The following FAM107A variants were observed in gnomAD, a reference collection of about 807,000 sequenced individuals.
FAM107A encodes the protein family with sequence similarity 107 member A, also known as actin-associated protein FAM107A.
A neutral mutation model predicts 13.7 loss-of-function variants in FAM107A; 19 were observed. That is an observed-to-expected ratio of 1.38 (90% CI 0.97 to 2.03). FAM107A has a LOEUF of 2.03. FAM107A is among the 30% of genes most tolerant of loss of function. The probability of loss-of-function intolerance (pLI) is 0.00; values close to 1 mark genes in which losing one functional copy is unlikely to be tolerated. For synonymous variants in FAM107A, 82 were observed against 74.5 expected, an observed-to-expected ratio of 1.10 and a Z score of -0.52; for missense variants, 203 against 184.4, an observed-to-expected ratio of 1.10 and a Z score of -0.58.
chr3:58,618,617 A>T (rs918437115), intron 1 of FAM107A, among the ~76,000 whole-genome samples: 3 of 152,260 alleles, frequency 2.0e-5, no homozygotes, highest in Non-Finnish European at 2.9e-5. Flanking sequence ...AAGTGGATTT[A>T]AAAAGAATTA....
At position 58,567,191 on chromosome 3, in the gene FAM107A, G is replaced by C; in HGVS notation, c.327+17C>G. On this transcript the variant is annotated intron_variant, in intron 3 of 3. Coordinates refer to ENST00000360997, the MANE Select transcript of FAM107A (RefSeq NM_001076778.3). Reference sequence around the variant, plus strand: ...CCCTGGAGGATGCGTGGTCCCTGCTGGGTGCCCATCACCCACCTGGTTCAG... The same window carrying C: ...CCCTGGAGGATGCGTGGTCCCTGCTCGGTGCCCATCACCCACCTGGTTCAG... 6.2e-7 allele frequency: 1 copy of C among 1,614,110 alleles called. No homozygotes were observed. The highest frequency in any genetic ancestry group is 8.5e-7 in the Non-Finnish European group (1 of 1,179,962).
intron 1 of FAM107A, among the ~76,000 whole-genome samples, chr3:58,619,591 G>C (rs7623836): frequency 0.59 from 89,012 of 152,038 alleles, 26,163 homozygotes; most frequent in South Asian, 0.68. Context: ...TTTACCTCTC[G>C]GCCTCGTGGG....
chr3:58,613,329 C>G lies in FAM107A; in HGVS notation c.-70+14087G>C, dbSNP rs573526000. The stretch of plus-strand genomic sequence containing the variant: ...GAGCAGGAGTCAAACTGTGGGTTGT[C>G]TGACTTCACTGCCCAGGCTTCTCAT... On this transcript the variant is annotated intron_variant, in intron 1 of 3. Transcript: ENST00000465970. This position sits in a 1 kb window ranked among gnomAD's most constrained non-coding sequence, Gnocchi z 4.6. 3.3e-5 allele frequency among the ~76,000 whole-genome samples: 5 copies of G among 152,288 alleles called. No individual in the cohort carries two copies. Among genetic ancestry groups the G allele is most frequent in the African/African-American group, 1.2e-4 (5 of 41,556 alleles).
At chr3:58,566,803 A>T in intron 3 of FAM107A, 108 bp from the exon 4 acceptor site, 2 of 817,128 alleles carry the variant, frequency 2.4e-6, no homozygotes, top group Non-Finnish European at 4.1e-6. Context: ...AAACAGAACC[A>T]ACCTGGGGAT....
chr3:58,584,615 CAGG>C (rs1411769598), intron 1 of FAM107A, among the ~76,000 whole-genome samples: 1 of 152,160 alleles, frequency 6.6e-6, no homozygotes, highest in Non-Finnish European at 1.5e-5. Flanking sequence ...CCTTCTGAGG[CAGG>C]AGAATAGGGT....
intron 1 of FAM107A, among the ~76,000 whole-genome samples, chr3:58,603,192 C>G (rs949602310): frequency 6.6e-6 from 1 of 152,090 alleles, no homozygotes; most frequent in Non-Finnish European, 1.5e-5. Context: ...CAATTATTTC[C>G]CCATACCAAC....
Position 58,592,691 on chromosome 3 carries a change from C to T in FAM107A, c.-69-3422G>A, listed in dbSNP as rs374943779. Among the ~76,000 whole-genome samples the T allele has an allele frequency of 9.2e-5, 14 of 152,306 alleles. No individual in the cohort carries two copies. In the East Asian group the frequency reaches 2.5e-3, roughly 27 times the overall value. On this transcript the variant is annotated intron_variant, in intron 1 of 3. Transcript: ENST00000465970. ...TCCTCAATCTTCAGGAAAGGTAGAA[C>T]GGACTAATGGTCTTTTAAAGACACA...
At position 58,617,744 on chromosome 3, in the gene FAM107A, T is replaced by C. The variant is rs939264155; in HGVS notation, c.-70+9672A>G. ...TAAATTCTCCTGAACTTTAGGCCCC[T>C]CTTCAGTGCTACTCCCAGGGGAGTG... On this transcript the variant is annotated intron_variant, in intron 1 of 3. Transcript: ENST00000465970. The surrounding 1 kb of genome is among the most constrained non-coding windows in gnomAD (Gnocchi z 4.5). Among the ~76,000 whole-genome samples the C allele has an allele frequency of 6.6e-6, 1 of 152,216 alleles. No individual in the cohort carries two copies. Among genetic ancestry groups the C allele is most frequent in the Non-Finnish European group, 1.5e-5 (1 of 68,044 alleles).
chr3:58,587,134 GCAGGTGTCCGCGCC>G (rs906992129), upstream of FAM107A: 29 of 1,354,294 alleles, frequency 2.1e-5, no homozygotes, highest in Non-Finnish European at 2.6e-5. Context: ...AGGGGCCAGG[GCAGGTGTCCGCGCC>G]CAGGTAGCAG....
upstream of FAM107A, chr3:58,577,547 A>G (rs950002196): frequency 5.1e-6 from 5 of 985,322 alleles, no homozygotes; most frequent in Admixed American, 1.2e-4. This position sits in a 1 kb window ranked among gnomAD's most constrained non-coding sequence, Gnocchi z 4.9. Context: ...GTGCACGGCC[A>G]CTTCCACGAT....
At chr3:58,587,166 G>A (rs1326654306), upstream of FAM107A, 10 of 1,302,336 alleles carry the variant, frequency 7.7e-6, no homozygotes, top group African/African-American at 4.7e-5. Context: ...CAGGCAGGGC[G>A]CGGGTGAACG....
intron 2 of FAM107A, among the ~76,000 whole-genome samples, chr3:58,567,645 A>G (rs2063636312): frequency 1.3e-5 from 2 of 152,114 alleles, no homozygotes; most frequent in Non-Finnish European, 2.9e-5. Flanking sequence ...ATTTCTGGTT[A>G]TTTTCTTAGG....
intron 1 of FAM107A, among the ~76,000 whole-genome samples, chr3:58,601,335 C>A: frequency 6.6e-6 from 1 of 152,296 alleles, no homozygotes; most frequent in South Asian, 2.1e-4. Context: ...ATTGTCTCTG[C>A]TTCTATAAAC....
Position 58,602,257 on chromosome 3 carries a change from A to G in FAM107A, c.-69-12988T>C, listed in dbSNP as rs554944056. Among the ~76,000 whole-genome samples the G allele has an allele frequency of 3.0e-4, 45 of 152,336 alleles. 2 individuals are homozygous for G. The South Asian group carries it at 9.1e-3, about 31-fold the overall frequency. ...AATCAAAGAAAATGCACGCTCAAGC[A>G]ACAATGGGGTATTATCTTTCACCTA... On this transcript the variant is annotated intron_variant, in intron 1 of 3. Coordinates refer to the FAM107A transcript ENST00000465970.
At chr3:58,603,650 T>G (rs940440487) in intron 1 of FAM107A, among the ~76,000 whole-genome samples, 4 of 152,092 alleles carry the variant, frequency 2.6e-5, no homozygotes, top group Admixed American at 2.6e-4. Flanking sequence ...CCTCCATATC[T>G]GTTGGTCATT....
upstream of FAM107A, among the ~76,000 whole-genome samples, chr3:58,578,952 T>G (rs530892260): frequency 1.3e-5 from 2 of 152,356 alleles, no homozygotes; most frequent in South Asian, 2.1e-4. Flanking sequence ...TTCCTGGCAC[T>G]GTTCTAAGTG....
At position 58,564,130 on chromosome 3, in the gene FAM107A, G is replaced by A. The variant is rs562612144; in HGVS notation, c.*2458C>T. 2 of 152,138 alleles carry A rather than the reference G, an allele frequency of 1.3e-5. No individual in the cohort carries two copies. The highest frequency in any genetic ancestry group is 4.1e-4 in the South Asian group (2 of 4,820). The allele number at this position is 152,138 out of a possible 1,614,324, so 9.4% of individuals were successfully genotyped here. On this transcript the variant is annotated 3_prime_UTR_variant, in exon 4 of 4. Coordinates refer to ENST00000360997, the MANE Select transcript of FAM107A (RefSeq NM_001076778.3). The surrounding 1 kb of genome is among the most constrained non-coding windows in gnomAD (Gnocchi z 5.6). ...GACCAACAATGGTTTAAACAAAGAGGGATTTATTTTATTTACAAGAATTCT... is the reference window on the plus strand; with the variant it reads ...GACCAACAATGGTTTAAACAAAGAGAGATTTATTTTATTTACAAGAATTCT...
rs116674847 is a variant in FAM107A, at chr3:58,602,264, G to A, written c.-69-12995C>T. Among the ~76,000 whole-genome samples the A allele has an allele frequency of 6.8e-3, 1,035 of 152,240 alleles. 17 individuals carry two copies. Among genetic ancestry groups the A allele is most frequent in the Middle Eastern group, 0.061 (18 of 294 alleles). ...GAAAATGCACGCTCAAGCAACAATG[G>A]GGTATTATCTTTCACCTATCAGATT... On this transcript the variant is annotated intron_variant, in intron 1 of 3. Coordinates refer to the FAM107A transcript ENST00000465970.
At chr3:58,593,713 G>T (rs1430444896) in intron 1 of FAM107A, among the ~76,000 whole-genome samples, 2 of 151,628 alleles carry the variant, frequency 1.3e-5, no homozygotes, top group African/African-American at 2.4e-5. Flanking sequence ...TTCCTCCTTA[G>T]CGAACAATTG....
Sources: gnomAD v4.1 joint callset for allele counts (sites outside exome capture counted in the v4.1 genomes callset) on GRCh38, gnomAD v4.1.1 for gene constraint, Gnocchi (gnomAD v3.1) non-coding constraint, MANE v1.5 for transcripts, NCBI Gene and HGNC (gene_info 2026-07-23, HGNC 2026-07-21) for gene names.